PECR: variants seen among roughly 807,000 people sequenced by gnomAD.
The protein encoded by PECR is 2,4-dienoyl-CoA reductase-related protein.
A neutral mutation model predicts 35.3 loss-of-function variants in PECR; 30 were observed. That is an observed-to-expected ratio of 0.85 (90% CI 0.64 to 1.15). The LOEUF (loss-of-function observed/expected upper bound fraction) is 1.15, where lower values mean the gene tolerates loss of function less well. Ranked by LOEUF, PECR falls within the 50% of genes most tolerant of loss-of-function variation. PECR has a pLI of 0.00. For synonymous variants in PECR, 148 were observed against 138.9 expected (o/e 1.07, Z -0.46); for missense variants, 392 against 370.8 (o/e 1.06, Z -0.47).
At chr2:216,072,041 A>G (rs772049921) in intron 1 of PECR, among the ~76,000 whole-genome samples, 22 of 152,218 alleles carry the variant, frequency 1.4e-4, no homozygotes, top group Non-Finnish European at 3.1e-4. Context: ...TTTTACATAT[A>G]TATTTTAAAG....
chr2:216,080,735 T>C (rs1377561696), intron 1 of PECR, among the ~76,000 whole-genome samples: 1 of 152,252 alleles, frequency 6.6e-6, no homozygotes, highest in Non-Finnish European at 1.5e-5. Flanking sequence ...ATAAAGTTGA[T>C]TATTTTTTCA....
At chr2:216,069,022 T>C (rs988990143) in intron 1 of PECR, among the ~76,000 whole-genome samples, 7 of 152,102 alleles carry the variant, frequency 4.6e-5, no homozygotes, top group South Asian at 4.2e-4. Context: ...GCACAATGGC[T>C]AAGAAGGGGA....
chr2:216,043,714 ATAGT>A (rs1209729285), intron 7 of PECR, among the ~76,000 whole-genome samples, 186 bp downstream of exon 7: 5 of 152,228 alleles, frequency 3.3e-5, no homozygotes, highest in Admixed American at 3.3e-4. Context: ...CATAATATAG[ATAGT>A]TAGATATTTT....
rs1411441459 is a variant in PECR at position 216,030,954 on chromosome 2, TCTCA to T, written c.*440+8233_*440+8236del. 5.1e-3 allele frequency among the ~76,000 whole-genome samples: 560 copies of T among 109,432 alleles called. 3 individuals are homozygous for T. Among genetic ancestry groups the T allele is most frequent in the African/African-American group, 0.022 (521 of 23,678 alleles). The allele number at this position is 109,432 out of a possible 152,430, so 71.8% of individuals were successfully genotyped here. On this transcript the variant is annotated intron_variant and NMD_transcript_variant, in intron 7 of 7. Transcript: ENST00000442122. The stretch of plus-strand genomic sequence containing the variant: ...CTCTCTCTCTCTCTCTCTCTCTCTC[TCTCA>T]CACACACACACACACACACACACAC...
At chr2:216,031,674 AG>A (rs780242106) in intron 7 of PECR, among the ~76,000 whole-genome samples, 2,025 of 50,752 alleles carry the variant, frequency 0.04, 32 homozygotes, top group Middle Eastern at 0.068. Context: ...AAAGAAAGAA[AG>A]AAAGAAAGAA....
chr2:216,061,176 AG>A (rs1484346367), intron 3 of PECR, among the ~76,000 whole-genome samples: 1 of 148,266 alleles, frequency 6.7e-6, no homozygotes, highest in Non-Finnish European at 1.5e-5. Flanking sequence ...CATGGTGGTT[AG>A]TAGCCTAGTA....
At chr2:216,046,321 T>TGTTTGTTTG (rs1694994388) in intron 6 of PECR, among the ~76,000 whole-genome samples, 1 of 139,810 alleles carries the variant, frequency 7.2e-6, no homozygotes, top group African/African-American at 2.7e-5. Flanking sequence ...TTTTTTTTTT[T>TGTTTGTTTG]TTTTTTTTTG....
Position 216,066,498 on chromosome 2 carries a change from A to G in PECR, c.145T>C (p.Ser49Pro). The G allele has an allele frequency of 1.2e-6, 2 of 1,614,102 alleles. No individual in the cohort carries two copies. Among genetic ancestry groups the G allele is most frequent in the Non-Finnish European group, 1.7e-6 (2 of 1,179,940 alleles). Residue 49 changes from serine (S) to proline (P), a missense_variant, in exon 2 of 8, where the codon TCC (serine) becomes CCC (proline). Coordinates refer to ENST00000265322, the MANE Select transcript of PECR (RefSeq NM_018441.6). ...LELGSNVVIA[S>P]RKLERLKSAA... Reference sequence around the variant, plus strand: ...GACTTCAATCTCTCCAACTTACGGGATGCAATGACCACATTACTCCCTGAG... The same window carrying G: ...GACTTCAATCTCTCCAACTTACGGGGTGCAATGACCACATTACTCCCTGAG...
Position 216,065,252 on chromosome 2 carries a change from T to C in PECR, c.424+60A>G, listed in dbSNP as rs566327848. On this transcript the variant is annotated intron_variant, in intron 3 of 7. Coordinates refer to ENST00000265322, the MANE Select transcript of PECR (RefSeq NM_018441.6). Reference sequence around the variant, plus strand: ...TGACATGGGGCTTCTGAGTCCCTAATAGGAATCCTGAGATCTCTAAATAAA... The same window carrying C: ...TGACATGGGGCTTCTGAGTCCCTAACAGGAATCCTGAGATCTCTAAATAAA... The C allele has an allele frequency of 1.0e-4, 121 of 1,155,854 alleles. No individual in the cohort carries two copies. In the South Asian group the frequency reaches 1.4e-3, roughly 13 times the overall value. The allele number at this position is 1,155,854 out of a possible 1,614,324, so 71.6% of individuals were successfully genotyped here.
chr2:216,077,676 A>G (rs1054967957), intron 1 of PECR, among the ~76,000 whole-genome samples: 6 of 149,030 alleles, frequency 4.0e-5, no homozygotes, highest in East Asian at 4.1e-4. Flanking sequence ...GCATGGTGGC[A>G]TGTGCCTGTA....
At chr2:216,046,306 A>ATT (rs1249960961) in intron 6 of PECR, among the ~76,000 whole-genome samples, 1 of 115,472 alleles carries the variant, frequency 8.7e-6, no homozygotes, top group East Asian at 2.1e-4. Flanking sequence ...ATATATATAT[A>ATT]TATATTTTTT....
At chr2:216,043,472 A>G (rs765958245) in intron 7 of PECR, among the ~76,000 whole-genome samples, 3 of 152,112 alleles carry the variant, frequency 2.0e-5, no homozygotes, top group Non-Finnish European at 2.9e-5. Flanking sequence ...TTCATTCAAT[A>G]TATATCTCAA....
rs760000608 is a variant in PECR at position 216,081,631 on chromosome 2, C to G, written c.111G>C (p.Glu37Asp). Residue 37 changes from glutamate (E) to aspartate (D), a missense_variant, in exon 1 of 8, where the codon GAG (glutamate) becomes GAC (aspartate). Physicochemically the swap from Glu to Asp is conservative, Grantham distance 45. Transcript: ENST00000265322. ...CCGCTCACGTACCCAGCTCCAGGAG[C>G]TCCTTCACGATGGCTTTTCCGATGC... Reference protein sequence around the residue: ...ATGIGKAIVKELLELGSNVVI... With the variant: ...ATGIGKAIVKDLLELGSNVVI... 6.2e-7 allele frequency: 1 copy of G among 1,613,790 alleles called. No homozygotes were observed. Among genetic ancestry groups the G allele is most frequent in the Non-Finnish European group, 8.5e-7 (1 of 1,179,972 alleles).
At chr2:216,035,435 G>T (rs1289192293), downstream of PECR, among the ~76,000 whole-genome samples, 1 of 151,550 alleles carries the variant, frequency 6.6e-6, no homozygotes, top group Non-Finnish European at 1.5e-5. Context: ...TCACAGCCAT[G>T]CCCTCCCTAC....
chr2:216,043,622 T>C (rs2105944519), intron 7 of PECR, among the ~76,000 whole-genome samples: 1 of 152,188 alleles, frequency 6.6e-6, no homozygotes, highest in South Asian at 2.1e-4. Flanking sequence ...CTCTTTTCTG[T>C]CTCCTCTTTC....
At chr2:216,070,263 G>A (rs1008248737) in intron 1 of PECR, among the ~76,000 whole-genome samples, 31 of 152,184 alleles carry the variant, frequency 2.0e-4, no homozygotes, top group Admixed American at 2.0e-3. Context: ...ATGAAATCAG[G>A]CTAATGTATC....
At chr2:216,031,638 AG>A (rs1694702563) in intron 7 of PECR, among the ~76,000 whole-genome samples, 1 of 144,970 alleles carries the variant, frequency 6.9e-6, no homozygotes, top group African/African-American at 2.6e-5. Flanking sequence ...CAAGGAAGGA[AG>A]GAAGAAGAAA....
chr2:216,065,481 A>T lies in PECR; in HGVS notation c.259-4T>A. 1.3e-6 allele frequency: 2 copies of T among 1,570,102 alleles called. No homozygotes were observed. The highest frequency in any genetic ancestry group is 2.2e-5 in the South Asian group (2 of 90,186). On this transcript the variant is annotated splice_region_variant and splice_polypyrimidine_tract_variant and intron_variant, in intron 2 of 7. Transcript: ENST00000265322. ...TAGATTTGACCAAATTATTCACCTA[A>T]AGAAGAACAGTAGAAGTTACTAAAA...
At chr2:216,072,395 TTTC>T (rs1695608197) in intron 1 of PECR, among the ~76,000 whole-genome samples, 1 of 152,258 alleles carries the variant, frequency 6.6e-6, no homozygotes, top group South Asian at 2.1e-4. Flanking sequence ...CTTTATTTTA[TTTC>T]TTATCTTTAT....
Sources: gnomAD v4.1 joint callset for allele counts (sites outside exome capture counted in the v4.1 genomes callset) on GRCh38, gnomAD v4.1.1 for gene constraint, MANE v1.5 for transcripts, NCBI Gene and HGNC (gene_info 2026-07-23, HGNC 2026-07-21) for gene names.